The following ABI3BP variants were observed in gnomAD, a reference collection of about 807,000 sequenced individuals.
The protein encoded by ABI3BP is target of Nesh-SH3.
ABI3BP carries 216 observed loss-of-function variants against 268.6 expected under a neutral mutation model. The ratio of observed to expected loss-of-function variants is 0.80; its 90% confidence interval spans 0.72 to 0.90. The LOEUF is 0.90. Among genes scored for constraint, ABI3BP ranks in the 40% least tolerant of loss-of-function variants. The pLI is 0.00. For synonymous variants in ABI3BP, 730 were observed against 730.0 expected (o/e 1.00, Z 0.00); for missense variants, 2,090 against 2,182.4 (o/e 0.96, Z 0.84).
chr3:100,907,555 T>G (rs147979337), intron 2 of ABI3BP, among the ~76,000 whole-genome samples: 1 of 152,064 alleles, frequency 6.6e-6, no homozygotes, highest in Non-Finnish European at 1.5e-5. Context: ...TTAGTAACAA[T>G]GGTGATTTCT....
intron 63 of ABI3BP, among the ~76,000 whole-genome samples, chr3:100,763,347 C>T (rs1375924100): frequency 6.6e-6 from 1 of 151,588 alleles, no homozygotes; most frequent in Non-Finnish European, 1.5e-5. Context: ...CCCGTAATCC[C>T]AGCTACTTTG....
chr3:100,894,887 C>T (rs1358914095), intron 4 of ABI3BP, among the ~76,000 whole-genome samples: 49 of 133,804 alleles, frequency 3.7e-4, no homozygotes, highest in African/African-American at 1.1e-3. Context: ...TACAGTGAGC[C>T]GAGATCGCGC....
chr3:100,844,190 A>G, intron 20 of ABI3BP: 6 of 985,462 alleles, frequency 6.1e-6, no homozygotes, highest in Non-Finnish European at 7.2e-6. Flanking sequence ...AATTTGACTC[A>G]CATGTGTGTA....
At chr3:100,953,586 CT>C (rs1202470535) in intron 1 of ABI3BP, among the ~76,000 whole-genome samples, 3 of 148,080 alleles carry the variant, frequency 2.0e-5, no homozygotes, top group African/African-American at 7.5e-5. Context: ...TAAGAAGATA[CT>C]GTTAGAAACA....
chr3:100,886,136 A>G lies in ABI3BP; in HGVS notation c.643+6T>C, dbSNP rs760862114. 1.3e-6 allele frequency: 2 copies of G among 1,567,562 alleles called. No homozygotes were observed. Among genetic ancestry groups the G allele is most frequent in the Admixed American group, 2.0e-5 (1 of 51,198 alleles). On this transcript the variant is annotated splice_donor_region_variant and intron_variant, in intron 5 of 67. Transcript: ENST00000471714. ...CTTACTGAAACAAACATTTCTAGGTACTTACTTCCAACAACAGTCTTGTGA... is the reference window on the plus strand; with the variant it reads ...CTTACTGAAACAAACATTTCTAGGTGCTTACTTCCAACAACAGTCTTGTGA...
At chr3:100,815,128 T>C (rs1266234275) in intron 44 of ABI3BP, among the ~76,000 whole-genome samples, 3 of 152,156 alleles carry the variant, frequency 2.0e-5, no homozygotes, top group Admixed American at 6.6e-5. Context: ...CATCCTCCTT[T>C]ATGTCTTTGA....
intron 2 of ABI3BP, among the ~76,000 whole-genome samples, chr3:100,910,538 CTT>C (rs577616809): frequency 4.7e-5 from 7 of 149,096 alleles, no homozygotes; most frequent in African/African-American, 1.7e-4. Context: ...CTTGCTTTTC[CTT>C]TTTTTTTAAA....
At chr3:100,946,379 A>G (rs1402191638) in intron 1 of ABI3BP, among the ~76,000 whole-genome samples, 1 of 151,944 alleles carries the variant, frequency 6.6e-6, no homozygotes, top group African/African-American at 2.4e-5. Flanking sequence ...AAAAAAAAAA[A>G]AAAAAAAGAT....
chr3:100,962,438 A>G (rs1299265159), intron 1 of ABI3BP, among the ~76,000 whole-genome samples: 1 of 152,110 alleles, frequency 6.6e-6, no homozygotes, highest in African/African-American at 2.4e-5. Context: ...TTAAACACTC[A>G]AATCTCGCTT....
intron 52 of ABI3BP, 53 bp downstream of exon 52, chr3:100,796,353 ATTT>A: frequency 8.3e-7 from 1 of 1,199,330 alleles, no homozygotes; most frequent in South Asian, 1.8e-5. Flanking sequence ...TACTTCAAGA[ATTT>A]TTTTTTTTGA....
At chr3:100,862,742 T>A in intron 13 of ABI3BP, 96 bp downstream of exon 13, 1 of 845,656 alleles carries the variant, frequency 1.2e-6, no homozygotes, top group East Asian at 2.7e-5. Flanking sequence ...TATCAGTTCA[T>A]GAGGTTTCCA....
At chr3:100,881,309 A>G (rs1039864772) in intron 6 of ABI3BP, among the ~76,000 whole-genome samples, 9 of 152,184 alleles carry the variant, frequency 5.9e-5, no homozygotes, top group Middle Eastern at 3.2e-3. Flanking sequence ...CAATCATTTG[A>G]TAATTGTTAC....
At chr3:100,862,785 T>C (rs2099012288) in intron 13 of ABI3BP, 53 bp downstream of exon 13, 1 of 1,277,514 alleles carries the variant, frequency 7.8e-7, no homozygotes, top group South Asian at 1.3e-5. Flanking sequence ...TCCTGCAGAA[T>C]TAAGCAATCA....
chr3:100,838,565 A>G, intron 24 of ABI3BP, 101 bp from the exon 25 acceptor site: 2 of 982,112 alleles, frequency 2.0e-6, no homozygotes, highest in Non-Finnish European at 3.1e-6. Context: ...AATTCAACGA[A>G]TCTATAAACA....
chr3:100,850,162 A>G, intron 16 of ABI3BP, 43 bp from the exon 17 acceptor site: 1 of 1,554,306 alleles, frequency 6.4e-7, no homozygotes, highest in Non-Finnish European at 8.8e-7. Flanking sequence ...ATCCCAGTTA[A>G]AATGAGGTAT....
chr3:100,788,499 C>T (rs371238500), intron 56 of ABI3BP, among the ~76,000 whole-genome samples: 1 of 152,066 alleles, frequency 6.6e-6, no homozygotes, highest in Non-Finnish European at 1.5e-5. Flanking sequence ...TCAGCTTCCT[C>T]AACTGTACCT....
intron 1 of ABI3BP, chr3:100,945,812 T>C (rs981654082): frequency 2.1e-5 from 5 of 242,416 alleles, no homozygotes; most frequent in Non-Finnish European, 2.5e-5. Flanking sequence ...TGTGAACATA[T>C]ATTTTTAGTT....
chr3:100,813,644 TAAAAC>T lies in ABI3BP; in HGVS notation c.3364+12_3364+16del, dbSNP rs1351209623. The T allele has an allele frequency of 6.6e-7, 1 of 1,525,872 alleles. No individual in the cohort carries two copies. The highest frequency in any genetic ancestry group is 8.8e-7 in the Non-Finnish European group (1 of 1,137,798). The allele number at this position is 1,525,872 out of a possible 1,614,324, so 94.5% of individuals were successfully genotyped here. On this transcript the variant is annotated intron_variant, in intron 45 of 67. Transcript: ENST00000471714. ...AAAGCACACAGTATACCCAGACAGA[TAAAAC>T]AATCTATTTACCAGGTTGACTTTCT...
intron 50 of ABI3BP, among the ~76,000 whole-genome samples, chr3:100,807,324 G>A (rs888367502): frequency 6.6e-6 from 1 of 151,630 alleles, no homozygotes; most frequent in Admixed American, 6.6e-5. Flanking sequence ...CTTTTAGTAT[G>A]TTAATGTTTC....
Sources: gnomAD v4.1 joint callset for allele counts (sites outside exome capture counted in the v4.1 genomes callset) on GRCh38, gnomAD v4.1.1 for gene constraint, MANE v1.5 for transcripts, NCBI Gene and HGNC (gene_info 2026-07-23, HGNC 2026-07-21) for gene names.